The following GPHN variants were observed in gnomAD, a reference collection of about 807,000 sequenced individuals.
The protein encoded by GPHN is gephyrin.
GPHN carries 17 observed loss-of-function variants against 95.5 expected under a neutral mutation model. The observed-to-expected ratio is 0.18, with a 90% confidence interval of 0.12 to 0.27. The LOEUF is 0.27. GPHN is among the 10% of genes least tolerant of loss of function. The pLI, the probability that GPHN is intolerant of heterozygous loss-of-function variation, is 1.00. For missense variants in GPHN, 660 were observed against 978.1 expected, an observed-to-expected ratio of 0.67 and a Z score of 4.34; for synonymous variants, 320 against 322.5, an observed-to-expected ratio of 0.99 and a Z score of 0.08.
At chr14:66,836,877 A>G (rs893181591) in intron 4 of GPHN, among the ~76,000 whole-genome samples, 12 of 151,794 alleles carry the variant, frequency 7.9e-5, no homozygotes, top group Non-Finnish European at 1.6e-4. Flanking sequence ...AGAAATGCAA[A>G]TCAAAACCAC....
At chr14:67,205,230 G>A in the GPHN span, 3 of 821,056 alleles carry the variant, frequency 3.7e-6, no homozygotes, top group Non-Finnish European at 5.5e-6. Flanking sequence ...TTAATAGTGA[G>A]ATTAAATCTC....
the GPHN span, among the ~76,000 whole-genome samples, chr14:67,543,320 G>C: frequency 6.6e-6 from 1 of 152,178 alleles, no homozygotes; most frequent in Admixed American, 6.5e-5. Flanking sequence ...GGACTAGTCT[G>C]GACTAGAACT....
At chr14:67,359,789 G>A in the GPHN span, 2 of 1,454,088 alleles carry the variant, frequency 1.4e-6, no homozygotes, top group Non-Finnish European at 9.6e-7. Context: ...TTCCTCTACG[G>A]GAGTCAGCTG....
chr14:67,599,635 G>A, the GPHN span, among the ~76,000 whole-genome samples: 1 of 152,268 alleles, frequency 6.6e-6, no homozygotes, highest in South Asian at 2.1e-4. Context: ...ACTACTTTGA[G>A]GAGCAGAAGG....
intron 2 of GPHN, among the ~76,000 whole-genome samples, chr14:66,708,947 G>A (rs2069353921): frequency 6.6e-6 from 1 of 151,912 alleles, no homozygotes; most frequent in Admixed American, 6.6e-5. Context: ...ACTCTTAATA[G>A]TCTATTATAC....
the GPHN span, among the ~76,000 whole-genome samples, chr14:67,283,143 T>C: frequency 6.6e-6 from 1 of 152,118 alleles, no homozygotes; most frequent in African/African-American, 2.4e-5. Flanking sequence ...ATCTATGAGA[T>C]ACTATTAGTG....
At chr14:67,412,175 G>T in the GPHN span, 2 of 810,884 alleles carry the variant, frequency 2.5e-6, no homozygotes, top group Non-Finnish European at 3.5e-6. Flanking sequence ...CAGCTCCGAC[G>T]CGGCAGGGCG....
At chr14:67,393,158 G>A in the GPHN span, 1 of 1,611,280 alleles carries the variant, frequency 6.2e-7, no homozygotes, top group Admixed American at 1.7e-5. Flanking sequence ...ACCGAGGAAG[G>A]TCTTTTTATA....
the GPHN span, among the ~76,000 whole-genome samples, chr14:67,577,567 G>A: frequency 1.3e-5 from 2 of 152,200 alleles, no homozygotes; most frequent in Admixed American, 1.3e-4. Flanking sequence ...TGGCAGGAAT[G>A]TAATCCTGTC....
the GPHN span, among the ~76,000 whole-genome samples, chr14:67,190,518 C>T: frequency 2.6e-5 from 4 of 152,132 alleles, no homozygotes; most frequent in African/African-American, 7.2e-5. Flanking sequence ...CCGTTGTGCC[C>T]GGCCTGTTTT....
intron 4 of GPHN, among the ~76,000 whole-genome samples, chr14:66,857,897 C>T (rs1296742377): frequency 6.6e-6 from 1 of 152,138 alleles, no homozygotes; most frequent in Non-Finnish European, 1.5e-5. Context: ...GCATTGGACA[C>T]AGTGCTGCCC....
chr14:67,515,783 G>A, the GPHN span, among the ~76,000 whole-genome samples: 463 of 152,326 alleles, frequency 3.0e-3, 2 homozygotes, highest in Non-Finnish European at 4.0e-3. Context: ...CGGGCTACCT[G>A]AGGGCCACAG....
At chr14:67,031,419 T>C (rs1432456164) in intron 10 of GPHN, among the ~76,000 whole-genome samples, 1 of 152,184 alleles carries the variant, frequency 6.6e-6, no homozygotes, top group Non-Finnish European at 1.5e-5. Context: ...CAATAGCTGC[T>C]TACCATCACT....
the GPHN span, among the ~76,000 whole-genome samples, chr14:67,266,332 T>C: frequency 2.1e-5 from 3 of 142,684 alleles, no homozygotes; most frequent in Admixed American, 1.4e-4. Context: ...AATTCAAATA[T>C]TTCAATTTTT....
the GPHN span, among the ~76,000 whole-genome samples, chr14:67,422,263 C>T: frequency 1.1e-4 from 16 of 152,236 alleles, no homozygotes; most frequent in South Asian, 3.1e-3. Flanking sequence ...AACTGTTCAC[C>T]TTGTCCTGCC....
chr14:67,380,879 A>T, the GPHN span: 96 of 508,424 alleles, frequency 1.9e-4, no homozygotes, highest in African/African-American at 1.6e-3. Flanking sequence ...AATTTTTCTA[A>T]ATGGTTGTTT....
the GPHN span, among the ~76,000 whole-genome samples, chr14:67,457,293 AAAG>A: frequency 6.6e-6 from 1 of 152,198 alleles, no homozygotes; most frequent in Non-Finnish European, 1.5e-5. Flanking sequence ...GTTAGAAAGA[AAAG>A]AAAAAAGAAA....
intron 4 of GPHN, among the ~76,000 whole-genome samples, chr14:66,878,220 TAACTC>T (rs1280145313): frequency 3.3e-5 from 5 of 152,102 alleles, no homozygotes; most frequent in African/African-American, 1.2e-4. Flanking sequence ...ATACAAAAAT[TAACTC>T]AAGATGAATT....
At chr14:67,198,661 T>G in the GPHN span, among the ~76,000 whole-genome samples, 4 of 152,200 alleles carry the variant, frequency 2.6e-5, no homozygotes, top group African/African-American at 7.2e-5. Flanking sequence ...GAAGACATTC[T>G]AAAGAACATC....
Sources: allele counts gnomAD v4.1 joint callset (sites outside exome capture counted in the v4.1 genomes callset), GRCh38; gene constraint gnomAD v4.1.1; transcripts MANE v1.5; gene names NCBI Gene and HGNC (gene_info 2026-07-23, HGNC 2026-07-21).